Variants in TRUB1 observed in about 807,000 individuals in gnomAD.
TRUB1 encodes TruB pseudouridine synthase family member 1.
A neutral mutation model predicts 33.9 loss-of-function variants in TRUB1; 23 were observed. That is an observed-to-expected ratio of 0.68 (90% CI 0.49 to 0.96). The LOEUF is 0.96. Ranked by LOEUF, TRUB1 falls within the 40% of genes least tolerant of loss-of-function variation. TRUB1 has a pLI of 0.00. For synonymous variants in TRUB1, 163 were observed against 165.4 expected (o/e 0.99, Z 0.11); for missense variants, 378 against 422.2 (o/e 0.90, Z 0.92).
At chr10:114,954,272 A>G (rs190706255) in intron 3 of TRUB1, among the ~76,000 whole-genome samples, 5 of 152,310 alleles carry the variant, frequency 3.3e-5, no homozygotes, top group East Asian at 1.9e-4. Context: ...TGTTACAGCC[A>G]TATTACAGAA....
chr10:114,950,521 G>C (rs567618600), intron 2 of TRUB1, among the ~76,000 whole-genome samples: 1 of 152,206 alleles, frequency 6.6e-6, no homozygotes, highest in Non-Finnish European at 1.5e-5. Flanking sequence ...TGAAATTTAA[G>C]AGAAAGGTAG....
chr10:114,968,742 G>T (rs1318781242), intron 4 of TRUB1, among the ~76,000 whole-genome samples: 1 of 152,154 alleles, frequency 6.6e-6, no homozygotes, highest in Non-Finnish European at 1.5e-5. Context: ...TAGCTTTTAA[G>T]GGTCAAGGTC....
At chr10:114,946,901 A>G (rs1174320315) in intron 2 of TRUB1, among the ~76,000 whole-genome samples, 1 of 152,196 alleles carries the variant, frequency 6.6e-6, no homozygotes, top group African/African-American at 2.4e-5. Flanking sequence ...CCTAATTTCC[A>G]TAACCTGTGA....
chr10:114,953,478 TTC>T (rs2084246287), intron 3 of TRUB1, among the ~76,000 whole-genome samples: 2 of 152,224 alleles, frequency 1.3e-5, no homozygotes, highest in African/African-American at 4.8e-5. Context: ...TAAATATTTT[TTC>T]TTTTTTTAAA....
intron 1 of TRUB1, among the ~76,000 whole-genome samples, chr10:114,939,778 T>C (rs916506121): frequency 6.6e-6 from 1 of 151,910 alleles, no homozygotes. Flanking sequence ...TTTTCCTTCA[T>C]AGAACTGCTG....
chr10:114,939,788 G>A (rs2143019852), intron 1 of TRUB1, among the ~76,000 whole-genome samples: 1 of 148,630 alleles, frequency 6.7e-6, no homozygotes, highest in Non-Finnish European at 1.5e-5. Context: ...TAGAACTGCT[G>A]CTTTCCTGAT....
chr10:114,944,961 A>G lies in TRUB1; in HGVS notation c.385+2218A>G, dbSNP rs188384589. On this transcript the variant is annotated intron_variant, in intron 2 of 7. Transcript: ENST00000298746. ...GATTGCACCACTGCACCCCAAAAAA[A>G]CAAGCACAACAAAACAAAAACCCCA... 9.2e-5 allele frequency among the ~76,000 whole-genome samples: 14 copies of G among 152,310 alleles called. No homozygotes were observed. In the East Asian group the frequency reaches 2.7e-3, roughly 29 times the overall value.
chr10:114,941,004 C>T (rs1056465568), intron 1 of TRUB1, among the ~76,000 whole-genome samples: 37 of 152,216 alleles, frequency 2.4e-4, no homozygotes, highest in Admixed American at 2.2e-3. Flanking sequence ...GCCGAGCCAC[C>T]CAGCATATCC....
At chr10:114,949,372 T>G (rs1393439746) in intron 2 of TRUB1, among the ~76,000 whole-genome samples, 1 of 152,250 alleles carries the variant, frequency 6.6e-6, no homozygotes, top group African/African-American at 2.4e-5. Context: ...AAGAGTATTA[T>G]GCTCTTCAGA....
At chr10:114,971,118 C>T (rs1237389425) in intron 5 of TRUB1, among the ~76,000 whole-genome samples, 1 of 152,132 alleles carries the variant, frequency 6.6e-6, no homozygotes, top group Non-Finnish European at 1.5e-5. Context: ...ACCGTATCCT[C>T]CTAGTAGAAG....
intron 3 of TRUB1, among the ~76,000 whole-genome samples, chr10:114,957,036 A>G (rs116997400): frequency 6.6e-6 from 1 of 152,348 alleles, no homozygotes; most frequent in Non-Finnish European, 1.5e-5. Flanking sequence ...TGAAATCTAG[A>G]TATTCAAAAC....
At chr10:114,942,433 A>G (rs1438777145) in intron 1 of TRUB1, among the ~76,000 whole-genome samples, 3 of 152,100 alleles carry the variant, frequency 2.0e-5, no homozygotes, top group Admixed American at 6.5e-5. Context: ...TTGATAGCTG[A>G]TTTTGGAATA....
At position 114,951,048 on chromosome 10, in the gene TRUB1, A is replaced by C. The variant is rs549658013; in HGVS notation, c.386-46A>C. On this transcript the variant is annotated intron_variant, in intron 2 of 7. Transcript: ENST00000298746. Reference sequence around the variant, plus strand: ...AAAAATATAGCTATTTTAAAAACCTAGTTTTCAGAACAGAGTGTCATAATA... The same window carrying C: ...AAAAATATAGCTATTTTAAAAACCTCGTTTTCAGAACAGAGTGTCATAATA... The C allele has an allele frequency of 2.0e-6, 3 of 1,519,726 alleles. No homozygotes were observed. In the Admixed American group the frequency reaches 5.3e-5, roughly 27 times the overall value. 94.1% of individuals were successfully genotyped at this position (1,519,726 alleles called of 1,614,324 possible).
At position 114,976,757 on chromosome 10, in the gene TRUB1, G is replaced by T. The variant is rs999386480; in HGVS notation, c.*1378G>T. 1.6e-5 allele frequency: 2 copies of T among 125,750 alleles called. No homozygotes were observed. Among genetic ancestry groups the T allele is most frequent in the African/African-American group, 9.5e-5 (2 of 21,078 alleles). 7.8% of individuals were successfully genotyped at this position (125,750 alleles called of 1,614,324 possible). On this transcript the variant is annotated 3_prime_UTR_variant, in exon 8 of 8. Coordinates refer to ENST00000298746, the MANE Select transcript of TRUB1 (RefSeq NM_139169.5). ...TCAGTACAGCATTTTCAACATATTG[G>T]CAACATATTTTAAATGAAAACACTA...
intron 1 of TRUB1, among the ~76,000 whole-genome samples, chr10:114,940,873 G>A (rs11196999): frequency 0.29 from 43,977 of 152,112 alleles, 7,733 homozygotes; most frequent in Non-Finnish European, 0.4. Flanking sequence ...GGCCTTAGAA[G>A]TTTATGTCAA....
chr10:114,967,732 A>AT (rs2084316418), intron 4 of TRUB1, among the ~76,000 whole-genome samples: 2 of 152,172 alleles, frequency 1.3e-5, no homozygotes, highest in Non-Finnish European at 1.5e-5. Flanking sequence ...TTCTTTTTAA[A>AT]TACTTTGGAA....
chr10:114,962,180 T>A (rs774103552), intron 4 of TRUB1, among the ~76,000 whole-genome samples: 8 of 152,144 alleles, frequency 5.3e-5, no homozygotes, highest in Non-Finnish European at 1.0e-4. Flanking sequence ...CTCAGCCTCC[T>A]GAGTAGCTGG....
Position 114,940,772 on chromosome 10 carries a change from A to G in TRUB1, c.287-1873A>G, listed in dbSNP as rs539398058. Reference sequence around the variant, plus strand: ...CCAAGGGGTGTCAAGTTGAAAATGTAAAGAGTTCCCCAAAAGGTTTCTGTT... The same window carrying G: ...CCAAGGGGTGTCAAGTTGAAAATGTGAAGAGTTCCCCAAAAGGTTTCTGTT... On this transcript the variant is annotated intron_variant, in intron 1 of 7. Coordinates refer to ENST00000298746, the MANE Select transcript of TRUB1 (RefSeq NM_139169.5). 3.9e-5 allele frequency among the ~76,000 whole-genome samples: 6 copies of G among 152,328 alleles called. No individual in the cohort carries two copies. In the South Asian group the frequency reaches 8.3e-4, roughly 21 times the overall value.
intron 2 of TRUB1, among the ~76,000 whole-genome samples, chr10:114,950,604 C>G (rs2084229952): frequency 6.6e-6 from 1 of 152,140 alleles, no homozygotes; most frequent in East Asian, 1.9e-4. Context: ...TTGTGTTAGA[C>G]TGATTTGTTA....
Sources: gnomAD v4.1 joint callset for allele counts (sites outside exome capture counted in the v4.1 genomes callset) on GRCh38, gnomAD v4.1.1 for gene constraint, MANE v1.5 for transcripts, NCBI Gene and HGNC (gene_info 2026-07-23, HGNC 2026-07-21) for gene names.